The following MACF1 variants were observed in gnomAD, a reference collection of about 807,000 sequenced individuals.
MACF1 encodes the protein microtubule-actin cross-linking factor 1.
MACF1 carries 193 observed loss-of-function variants against 854.8 expected under a neutral mutation model. The observed-to-expected ratio is 0.23, with a 90% confidence interval of 0.20 to 0.25. The LOEUF is 0.25. MACF1 is among the 10% of genes least tolerant of loss of function. The pLI is 1.00. For synonymous variants in MACF1, 3,185 were observed against 3,226.7 expected (o/e 0.99, Z 0.44); for missense variants, 7,722 against 8,929.1 (o/e 0.86, Z 5.45).
At position 39,334,155 on chromosome 1, in the gene MACF1, A is replaced by G. The variant is rs949809523; in HGVS notation, c.7567A>G (p.Arg2523Gly). ...GAGACTTTCTGTTGATAATGCCTTC[A>G]GACATGGCTTAATTGGTGAAGATTT... is the stretch of plus-strand genomic sequence containing the variant. The part of the protein sequence containing the change: ...GMRLSVDNAF[R>G]HGLIGEDLAE... Residue 2523 changes from arginine to glycine, a missense_variant, in exon 37 of 101, where the codon AGA (arginine) becomes GGA (glycine). By Grantham distance (125) the Arg-to-Gly change is moderately radical. Around this residue, in one of 15 missense-constraint regions of MACF1, gnomAD observed 1,531 missense variants for 1,601.6 expected, o/e 0.96. Coordinates refer to ENST00000564288, the MANE Select transcript of MACF1 (RefSeq NM_001394062.1). 9.3e-6 allele frequency: 15 copies of G among 1,614,054 alleles called. No homozygotes were observed. The highest frequency in any genetic ancestry group is 1.2e-5 in the Non-Finnish European group (14 of 1,180,004).
intron 2 of MACF1, among the ~76,000 whole-genome samples, chr1:39,199,611 G>A (rs1644364906): frequency 6.6e-6 from 1 of 152,122 alleles, no homozygotes; most frequent in Admixed American, 6.6e-5. Context: ...ATAGTTCCCA[G>A]GGATATTACA....
At chr1:39,123,628 TCC>T (rs926134577) in intron 2 of MACF1, among the ~76,000 whole-genome samples, 4 of 149,672 alleles carry the variant, frequency 2.7e-5, no homozygotes, top group African/African-American at 9.8e-5. Context: ...AGCCTCAATC[TCC>T]CCGGGCTCAG....
chr1:39,318,314 A>G, intron 29 of MACF1, 139 bp from the exon 30 acceptor site: 1 of 712,334 alleles, frequency 1.4e-6, no homozygotes, highest in Non-Finnish European at 2.3e-6. Context: ...TCAGCCTTGC[A>G]TCGCTGTTCC....
At chr1:39,343,177 A>G (rs1159276083) in intron 40 of MACF1, among the ~76,000 whole-genome samples, 2 of 152,132 alleles carry the variant, frequency 1.3e-5, no homozygotes, top group South Asian at 2.1e-4. Context: ...TCTATTTAAG[A>G]TTATTTGAGG....
chr1:39,109,648 G>C (rs1642343875), intron 2 of MACF1, among the ~76,000 whole-genome samples: 1 of 150,550 alleles, frequency 6.6e-6, no homozygotes, highest in African/African-American at 2.4e-5. Context: ...TTAATGTTTA[G>C]AAAAACGTTG....
chr1:39,163,303 A>C (rs918211567), intron 2 of MACF1, among the ~76,000 whole-genome samples: 1 of 139,016 alleles, frequency 7.2e-6, no homozygotes, highest in Non-Finnish European at 1.5e-5. Flanking sequence ...GTGAGCTGAG[A>C]TCATAGGTGA....
chr1:39,134,965 G>C (rs1643127354), intron 2 of MACF1, among the ~76,000 whole-genome samples: 1 of 151,964 alleles, frequency 6.6e-6, no homozygotes, highest in African/African-American at 2.4e-5. Context: ...TTAGCCCCTG[G>C]CAACCACAAT....
chr1:39,086,774 C>T (rs569661552), intron 2 of MACF1, among the ~76,000 whole-genome samples: 1 of 152,284 alleles, frequency 6.6e-6, no homozygotes, highest in South Asian at 2.1e-4. Context: ...CTCCTAAGGA[C>T]CCTGCTGGGT....
chr1:39,296,138 GCATTGCTCATGTCT>G (rs1407410677), intron 20 of MACF1, among the ~76,000 whole-genome samples: 1 of 152,184 alleles, frequency 6.6e-6, no homozygotes, highest in East Asian at 1.9e-4. Flanking sequence ...GTCCCAAATG[GCATTGCTCATGTCT>G]GAGAGTTGGC....
chr1:39,314,570 C>T (rs1048169372), intron 26 of MACF1, among the ~76,000 whole-genome samples: 7 of 17,112 alleles, frequency 4.1e-4, no homozygotes, highest in African/African-American at 7.9e-4. Flanking sequence ...CTCTCTCTCT[C>T]ACACACACAC....
At position 39,317,287 on chromosome 1, in the gene MACF1, T is replaced by C. The variant is rs2148446724; in HGVS notation, c.3662T>C (p.Val1221Ala). 1.2e-6 allele frequency: 2 copies of C among 1,614,036 alleles called. No homozygotes were observed. Among genetic ancestry groups the C allele is most frequent in the South Asian group, 1.1e-5 (1 of 91,074 alleles). Reference sequence around the variant, plus strand: ...GATGAGGAAATTGCCAAGGCCAAGGTAGTGGCAGAGCAGATGAGTCGTCTG... The same window carrying C: ...GATGAGGAAATTGCCAAGGCCAAGGCAGTGGCAGAGCAGATGAGTCGTCTG... The part of the protein sequence containing the change: ...VLDEEIAKAK[V>A]VAEQMSRLTP... The change falls in exon 29 of 101, where the codon GTA becomes GCA. Residue 1221 changes from valine to alanine, a missense_variant. Val to Ala is a moderately conservative substitution (Grantham distance 64, BLOSUM62 0). Around this residue, in one of 15 missense-constraint regions of MACF1, gnomAD observed 1,137 missense variants for 1,263.0 expected, o/e 0.90. Coordinates refer to ENST00000564288, the MANE Select transcript of MACF1 (RefSeq NM_001394062.1).
intron 2 of MACF1, among the ~76,000 whole-genome samples, chr1:39,137,259 AG>A (rs1193167748): frequency 6.6e-6 from 1 of 152,190 alleles, no homozygotes; most frequent in East Asian, 1.9e-4. Flanking sequence ...TGTTAGAAAC[AG>A]GGTTTTGCCA....
In MACF1 at chr1:39,387,730, A is replaced by G; in HGVS notation, c.14888A>G (p.Asn4963Ser). ...CGCCGCTCCCTGCTGGAAATATTGA[A>G]TAGTGCTGCTGACATTCTGATCAAT... ...EKRRSLLEIL[N>S]SAADILINSS... The change falls in exon 58 of 101, where the codon AAT (asparagine) becomes AGT (serine). Residue 4963 changes from asparagine to serine, a missense_variant. Physicochemically the swap from Asn to Ser is conservative, Grantham distance 46. Transcript: ENST00000564288. 1 of 1,614,134 alleles carries G rather than the reference A, an allele frequency of 6.2e-7. No homozygotes were observed. The highest frequency in any genetic ancestry group is 1.7e-5 in the Admixed American group (1 of 59,996).
chr1:39,253,695 A>T lies in MACF1; in HGVS notation c.358-603A>T, dbSNP rs561094360. On this transcript the variant is annotated intron_variant, in intron 4 of 100. Transcript: ENST00000564288. ...CGCCCGGCTAATTTTTGAGGAGCCA[A>T]TGAAGGGACGGGATTTCACCATGTT... is the stretch of plus-strand genomic sequence containing the variant. 2.0e-5 allele frequency among the ~76,000 whole-genome samples: 3 copies of T among 152,018 alleles called. 1 individual carries two copies. The East Asian group carries it at 5.8e-4, about 29-fold the overall frequency.
At chr1:39,272,094 C>A (rs1043103085) in intron 6 of MACF1, among the ~76,000 whole-genome samples, 1 of 152,198 alleles carries the variant, frequency 6.6e-6, no homozygotes, top group Non-Finnish European at 1.5e-5. Flanking sequence ...AACTAAGTGA[C>A]CGAGTCTCAG....
chr1:39,353,088 G>C lies in MACF1; in HGVS notation c.11281G>C (p.Gly3761Arg), dbSNP rs141916250. The change falls in exon 44 of 101, where the codon GGT (glycine) becomes CGT (arginine). Residue 3761 changes from glycine to arginine, a missense_variant. This residue lies in a region of MACF1 where 2,807 missense variants were observed against 3,235.8 expected (regional missense o/e 0.87). Transcript: ENST00000564288. The stretch of plus-strand genomic sequence containing the variant: ...TTGGGTAACTTCAGTAGGATCATCT[G>C]GTGGACAGCTGCTGACCAACCTTCC... ...LDWVTSVGSS[G>R]GQLLTNLPGM... 4.8e-5 allele frequency: 77 copies of C among 1,613,990 alleles called. No individual in the cohort carries two copies. The highest frequency in any genetic ancestry group is 6.2e-5 in the Non-Finnish European group (73 of 1,180,026).
rs369020749 is a variant in MACF1 at position 39,436,468 on chromosome 1, G to C, written c.17988+707G>C. ...CACATTTCATTGTTGTGTTGACCGC[G>C]CCCACCATTACAGATTACAGAGGTA... On this transcript the variant is annotated intron_variant, in intron 70 of 100. Transcript: ENST00000564288. 12 of 1,613,660 alleles carry C rather than the reference G, an allele frequency of 7.4e-6. No individual in the cohort carries two copies. The Admixed American group carries it at 1.8e-4, about 25-fold the overall frequency.
intron 1 of MACF1, among the ~76,000 whole-genome samples, chr1:39,217,882 CA>C (rs751580827): frequency 2.9e-3 from 287 of 100,040 alleles, no homozygotes; most frequent in Admixed American, 3.1e-3. Context: ...GACCCTGTCT[CA>C]AAAAAAAAAA....
chr1:39,270,826 A>G (rs962423158), intron 6 of MACF1, among the ~76,000 whole-genome samples: 1 of 152,186 alleles, frequency 6.6e-6, no homozygotes, highest in South Asian at 2.1e-4. Context: ...GCCTATCACT[A>G]GCAGCATAAG....
Sources: allele counts gnomAD v4.1 joint callset (sites outside exome capture counted in the v4.1 genomes callset), GRCh38; gene constraint gnomAD v4.1.1; regional missense constraint gnomAD v4.1.1; transcripts MANE v1.5; gene names NCBI Gene and HGNC (gene_info 2026-07-23, HGNC 2026-07-21).